CASK: variants seen among roughly 807,000 people sequenced by gnomAD.
The protein encoded by CASK is calcium/calmodulin dependent serine protein kinase, also known as peripheral plasma membrane protein CASK.
In CASK, 4 loss-of-function variants were observed where a neutral mutation model predicts 82.9. That is an observed-to-expected ratio of 0.05 (90% confidence interval 0.02 to 0.11). The LOEUF (loss-of-function observed/expected upper bound fraction) is 0.11, where lower values mean the gene tolerates loss of function less well. CASK is among the 10% of genes least tolerant of loss of function. The pLI, the probability that CASK is intolerant of heterozygous loss-of-function variation, is 1.00. For missense variants in CASK, 358 were observed against 720.9 expected (o/e 0.50, Z 5.76); for synonymous variants, 259 against 253.5 (o/e 1.02, Z -0.20).
chrX:41,653,769 T>C (rs1479234456), intron 8 of CASK, among the ~76,000 whole-genome samples: 2 of 112,572 alleles, frequency 1.8e-5, no homozygotes, highest in Non-Finnish European at 3.8e-5. Flanking sequence ...AAATGGATTG[T>C]GAGAATAACT....
At chrX:41,785,123 C>T (rs939318731) in intron 3 of CASK, among the ~76,000 whole-genome samples, 20 of 105,912 alleles carry the variant, frequency 1.9e-4, no homozygotes, top group African/African-American at 6.2e-4. Flanking sequence ...TCTCCAACCT[C>T]AGCCTCCCAA....
chrX:41,521,054 T>C (rs1023215930), intron 26 of CASK, among the ~76,000 whole-genome samples: 2 of 112,351 alleles, frequency 1.8e-5, no homozygotes, highest in Non-Finnish European at 3.8e-5. Context: ...CCCGTCCCCT[T>C]GGTCCTCCAC....
At chrX:41,617,676 C>T (rs1323623840) in intron 11 of CASK, among the ~76,000 whole-genome samples, 1 of 111,529 alleles carries the variant, frequency 9.0e-6, no homozygotes, top group Admixed American at 9.5e-5. Context: ...ATCTAAAAAT[C>T]CCATGGTGTT....
At chrX:41,586,801 T>C (rs1324099424) in intron 14 of CASK, 106 bp downstream of exon 14, 7 of 525,494 alleles carry the variant, frequency 1.3e-5, no homozygotes, top group African/African-American at 2.3e-5. Context: ...TCATATGATA[T>C]GGATAAAAAT....
rs1227419784 is a variant in CASK, at chrX:41,611,628, TCTCTCCCTCTCC to T, written c.1034-1615_1034-1604del. 3.0e-3 allele frequency among the ~76,000 whole-genome samples: 145 copies of T among 48,127 alleles called. 5 individuals are homozygous for T. The highest frequency in any genetic ancestry group is 0.012 in the African/African-American group (141 of 11,904). The allele number at this position is 48,127 out of a possible 115,157, so 41.8% of individuals were successfully genotyped here. ...CCCTCTCCCTCTCCCTCTCCCTCTC[TCTCTCCCTCTCC>T]CTCTCTCTCTCCCTCTCCCTCTCTC... On this transcript the variant is annotated intron_variant, in intron 11 of 26. Transcript: ENST00000378163.
chrX:41,808,074 C>T (rs1310104027), intron 2 of CASK, among the ~76,000 whole-genome samples: 1 of 111,383 alleles, frequency 9.0e-6, no homozygotes, highest in African/African-American at 3.3e-5. Context: ...AGGCTGGTCT[C>T]GAACTCCTGA....
At position 41,553,932 on chromosome X, in the gene CASK, C is replaced by T. The variant is rs372557420; in HGVS notation, c.1843-17G>A. The T allele has an allele frequency of 2.4e-5, 27 of 1,124,134 alleles. No individual in the cohort carries two copies. The highest frequency in any genetic ancestry group is 3.1e-5 in the Non-Finnish European group (25 of 818,669). 92.6% of individuals were successfully genotyped at this position (1,124,134 alleles called of 1,213,427 possible). A position where few individuals can be genotyped will look rare whatever the true frequency, so the allele number is the denominator to read the frequency against. Reference sequence around the variant, plus strand: ...TACATAGATCTATAAAACAGGAGTTCGTAAGAAAGGATGCCATAGTGATGT... The same window carrying T: ...TACATAGATCTATAAAACAGGAGTTTGTAAGAAAGGATGCCATAGTGATGT... On this transcript the variant is annotated splice_polypyrimidine_tract_variant and intron_variant, in intron 20 of 26. Transcript: ENST00000378163.
intron 3 of CASK, among the ~76,000 whole-genome samples, chrX:41,760,090 G>A (rs938126209): frequency 8.9e-6 from 1 of 111,956 alleles, no homozygotes; most frequent in African/African-American, 3.2e-5. Context: ...TGTTGTTTAC[G>A]TTAACATACA....
intron 3 of CASK, among the ~76,000 whole-genome samples, chrX:41,770,323 T>C (rs1396178693): frequency 3.8e-4 from 39 of 101,988 alleles, no homozygotes; most frequent in African/African-American, 1.3e-3. Context: ...TATCCATCCA[T>C]CCATCCATCC....
At chrX:41,665,237 T>C (rs2067098004) in intron 7 of CASK, 40 bp downstream of exon 7, 2 of 1,099,582 alleles carry the variant, frequency 1.8e-6, no homozygotes, top group African/African-American at 3.6e-5. Context: ...TCAGGATAAA[T>C]TAATCTCAAT....
chrX:41,773,877 T>C (rs1287684792), intron 3 of CASK, among the ~76,000 whole-genome samples: 6 of 111,781 alleles, frequency 5.4e-5, no homozygotes, highest in African/African-American at 2.0e-4. Flanking sequence ...CAGTAAGTGA[T>C]GAGTGAATGA....
chrX:41,698,343 G>T, intron 5 of CASK, among the ~76,000 whole-genome samples: 1 of 111,467 alleles, frequency 9.0e-6, no homozygotes, highest in Non-Finnish European at 1.9e-5. Flanking sequence ...GAATTAAAAG[G>T]AGCAAACTCT....
intron 8 of CASK, among the ~76,000 whole-genome samples, chrX:41,650,609 G>A (rs900490282): frequency 4.7e-5 from 5 of 106,552 alleles, no homozygotes; most frequent in Non-Finnish European, 7.7e-5. Flanking sequence ...TGGCATGGTC[G>A]TAGCTCACTG....
chrX:41,593,654 T>G (rs757687926), intron 12 of CASK, among the ~76,000 whole-genome samples: 19 of 112,037 alleles, frequency 1.7e-4, no homozygotes, highest in Non-Finnish European at 3.4e-4. Context: ...TTGATGTATA[T>G]GCATAATATG....
chrX:41,756,273 T>C (rs1314267036), intron 3 of CASK, among the ~76,000 whole-genome samples: 2 of 111,736 alleles, frequency 1.8e-5, no homozygotes, highest in African/African-American at 3.3e-5. Context: ...CATACATACA[T>C]AGAGGCTTGA....
intron 1 of CASK, among the ~76,000 whole-genome samples, chrX:41,903,864 A>T (rs1364685201): frequency 1.8e-5 from 2 of 112,316 alleles, no homozygotes; most frequent in African/African-American, 6.5e-5. Context: ...CTGAATTTTT[A>T]AAAATAACAT....
intron 24 of CASK, among the ~76,000 whole-genome samples, 175 bp downstream of exon 24, chrX:41,534,531 G>A (rs2064849582): frequency 9.1e-6 from 1 of 110,011 alleles, no homozygotes. Context: ...CTTATTATAG[G>A]GAAAGAGGGG....
intron 15 of CASK, among the ~76,000 whole-genome samples, chrX:41,577,653 G>T (rs1287208171): frequency 9.0e-6 from 1 of 111,230 alleles, no homozygotes; most frequent in African/African-American, 3.3e-5. Flanking sequence ...GTTTACACAT[G>T]TGCTATTTGG....
chrX:41,767,255 T>C (rs373019982), intron 3 of CASK, among the ~76,000 whole-genome samples: 1 of 112,019 alleles, frequency 8.9e-6, no homozygotes, highest in East Asian at 2.8e-4. Context: ...ATTTGCTAAA[T>C]GCGAAACCTG....
Sources: gnomAD v4.1 joint callset for allele counts (sites outside exome capture counted in the v4.1 genomes callset) on GRCh38, gnomAD v4.1.1 for gene constraint, MANE v1.5 for transcripts, NCBI Gene and HGNC (gene_info 2026-07-23, HGNC 2026-07-21) for gene names.